Variants in SLC25A12 observed in about 807,000 individuals in gnomAD.
The protein encoded by SLC25A12 is solute carrier family 25 member 12.
A neutral mutation model predicts 83.3 loss-of-function variants in SLC25A12; 32 were observed. The observed-to-expected ratio is 0.38, with a 90% CI of 0.29 to 0.52. The LOEUF (loss-of-function observed/expected upper bound fraction) is 0.52. Among genes scored for constraint, SLC25A12 ranks in the 20% least tolerant of loss-of-function variants. The pLI is 0.84. For synonymous variants in SLC25A12, 267 were observed against 291.1 expected (o/e 0.92, Z 0.84); for missense variants, 611 against 835.6 (o/e 0.73, Z 3.31).
At chr2:171,867,927 C>T (rs1685371830) in intron 3 of SLC25A12, among the ~76,000 whole-genome samples, 1 of 152,160 alleles carries the variant, frequency 6.6e-6, no homozygotes, top group Admixed American at 6.5e-5. Flanking sequence ...GCACTGCAAG[C>T]TCTGCCTCCT....
chr2:171,813,259 G>T, intron 11 of SLC25A12, 80 bp downstream of exon 11: 1 of 1,449,438 alleles, frequency 6.9e-7, no homozygotes, highest in Non-Finnish European at 9.7e-7. Flanking sequence ...CTACATATTG[G>T]CTTCCATAAT....
At chr2:171,847,201 A>G (rs1359360026) in intron 4 of SLC25A12, among the ~76,000 whole-genome samples, 2 of 152,192 alleles carry the variant, frequency 1.3e-5, no homozygotes, top group African/African-American at 2.4e-5. Context: ...TTACAAACCT[A>G]CTTTGGCACT....
At chr2:171,890,392 T>C (rs1243398955) in intron 2 of SLC25A12, among the ~76,000 whole-genome samples, 2 of 152,182 alleles carry the variant, frequency 1.3e-5, no homozygotes, top group Non-Finnish European at 2.9e-5. Context: ...AACTATAGTT[T>C]GAAGTATTCA....
At chr2:171,849,874 T>C (rs1684885575) in intron 4 of SLC25A12, among the ~76,000 whole-genome samples, 1 of 151,660 alleles carries the variant, frequency 6.6e-6, no homozygotes, top group Non-Finnish European at 1.5e-5. Flanking sequence ...TGATCTTGGC[T>C]CACTGCAACC....
At position 171,787,448 on chromosome 2, in the gene SLC25A12, A is replaced by G. The variant is rs929886932; in HGVS notation, c.1835+123T>C. ...TTCTTAAGCTCACTGTTTTAAATGC[A>G]TTGGTCTTAAAGGTTCTGTCTTATC... On this transcript the variant is annotated intron_variant, in intron 17 of 17. Coordinates refer to ENST00000422440, the MANE Select transcript of SLC25A12 (RefSeq NM_003705.5). The G allele has an allele frequency of 8.4e-6, 7 of 831,988 alleles. No individual in the cohort carries two copies. The Admixed American group carries it at 8.6e-5, about 10-fold the overall frequency. 51.5% of individuals were successfully genotyped at this position (831,988 alleles called of 1,614,324 possible). A position where few individuals can be genotyped will look rare whatever the true frequency, so the allele number is the denominator to read the frequency against.
intron 9 of SLC25A12, among the ~76,000 whole-genome samples, chr2:171,817,599 T>TAAAAAAAA (rs1684080265): frequency 3.0e-4 from 2 of 6,696 alleles, no homozygotes; most frequent in Non-Finnish European, 1.3e-3. Context: ...AGACTCTGCC[T>TAAAAAAAA]CAAAAAAAAA....
At chr2:171,886,261 C>T (rs1391683340) in intron 2 of SLC25A12, among the ~76,000 whole-genome samples, 4 of 132,296 alleles carry the variant, frequency 3.0e-5, no homozygotes, top group Non-Finnish European at 4.7e-5. Context: ...GACAGAGTCT[C>T]ACTCTGTCAC....
chr2:171,868,614 G>A (rs141956812), intron 3 of SLC25A12, 67 bp downstream of exon 3: 39 of 1,519,872 alleles, frequency 2.6e-5, no homozygotes, highest in Non-Finnish European at 3.5e-5. Context: ...GTGCCCAGCT[G>A]GTTTTTTAAA....
intron 5 of SLC25A12, among the ~76,000 whole-genome samples, chr2:171,837,720 C>A (rs201060947): frequency 6.6e-6 from 1 of 152,266 alleles, no homozygotes; most frequent in East Asian, 1.9e-4. Context: ...ATCAAAGTCT[C>A]TCTCTCTGTC....
chr2:171,893,337 G>A (rs1574013797), intron 1 of SLC25A12, 79 bp from the exon 2 acceptor site: 1 of 1,191,294 alleles, frequency 8.4e-7, no homozygotes, highest in South Asian at 1.2e-5. Flanking sequence ...AGGTCACATG[G>A]CTAACAATCA....
chr2:171,856,389 G>A lies in SLC25A12; in HGVS notation c.210-440C>T, dbSNP rs1436243663. On this transcript the variant is annotated intron_variant, in intron 3 of 17. Coordinates refer to ENST00000422440, the MANE Select transcript of SLC25A12 (RefSeq NM_003705.5). Reference sequence around the variant, plus strand: ...TCCCCAAGTTGTGACCAGCAAAAATGTCTCCAGACATTGCCAAATATACCC... The same window carrying A: ...TCCCCAAGTTGTGACCAGCAAAAATATCTCCAGACATTGCCAAATATACCC... Among the ~76,000 whole-genome samples, 4 of 152,070 alleles carry A rather than the reference G, an allele frequency of 2.6e-5. No homozygotes were observed. In the East Asian group the frequency reaches 7.7e-4, roughly 29 times the overall value.
intron 8 of SLC25A12, 89 bp from the exon 9 acceptor site, chr2:171,826,971 A>T (rs17615262): frequency 2.6e-6 from 2 of 756,896 alleles, no homozygotes; most frequent in Middle Eastern, 3.0e-4. Context: ...AACAAAAAAC[A>T]GTGAACTATA....
At chr2:171,861,162 AGGT>A (rs1047882743) in intron 3 of SLC25A12, among the ~76,000 whole-genome samples, 150 of 151,798 alleles carry the variant, frequency 9.9e-4, no homozygotes, top group Middle Eastern at 3.4e-3. Flanking sequence ...GTGGTAGTCT[AGGT>A]GGTAGATATA....
At chr2:171,811,712 C>A (rs1286759665) in intron 11 of SLC25A12, among the ~76,000 whole-genome samples, 1 of 152,112 alleles carries the variant, frequency 6.6e-6, no homozygotes, top group African/African-American at 2.4e-5. Flanking sequence ...TGAATAAAAC[C>A]AACAATCCCC....
At chr2:171,888,449 A>AC (rs1685868674) in intron 2 of SLC25A12, among the ~76,000 whole-genome samples, 2 of 150,722 alleles carry the variant, frequency 1.3e-5, no homozygotes, top group African/African-American at 4.9e-5. Flanking sequence ...TTTAATTATT[A>AC]TTTTTTTTGA....
chr2:171,866,276 C>T (rs1685297015), intron 3 of SLC25A12, among the ~76,000 whole-genome samples: 1 of 143,450 alleles, frequency 7.0e-6, no homozygotes, highest in Non-Finnish European at 1.5e-5. Context: ...CAATCTTTTC[C>T]CCACCTTTCC....
chr2:171,853,509 C>T (rs1045143823), intron 4 of SLC25A12, among the ~76,000 whole-genome samples: 5 of 152,268 alleles, frequency 3.3e-5, no homozygotes, highest in African/African-American at 9.6e-5. Context: ...GGCGAAGCCC[C>T]GTCTCTACTA....
intron 9 of SLC25A12, among the ~76,000 whole-genome samples, chr2:171,816,447 A>G (rs1252133823): frequency 6.6e-6 from 1 of 152,178 alleles, no homozygotes; most frequent in Non-Finnish European, 1.5e-5. Context: ...TAGTATTTTC[A>G]CATAACCTAT....
intron 9 of SLC25A12, among the ~76,000 whole-genome samples, chr2:171,819,483 A>G (rs1364845494): frequency 1.4e-5 from 2 of 138,158 alleles, no homozygotes; most frequent in Non-Finnish European, 3.0e-5. Context: ...TAATATATAT[A>G]TAATTTTCCC....
Sources: allele counts gnomAD v4.1 joint callset (sites outside exome capture counted in the v4.1 genomes callset), GRCh38; gene constraint gnomAD v4.1.1; transcripts MANE v1.5; gene names NCBI Gene and HGNC (gene_info 2026-07-23, HGNC 2026-07-21).